SCFD2: variants seen among roughly 807,000 people sequenced by gnomAD.
SCFD2 encodes the protein sec1 family domain containing 2.
In SCFD2, 54 loss-of-function variants were observed where a neutral mutation model predicts 58.9. The ratio of observed to expected loss-of-function variants is 0.92; its 90% CI spans 0.74 to 1.15. The LOEUF is 1.15. Ranked by LOEUF, SCFD2 falls within the 50% of genes most tolerant of loss-of-function variation. The pLI is 0.00. For synonymous variants in SCFD2, 321 were observed against 335.9 expected (o/e 0.96, Z 0.49); for missense variants, 805 against 836.6 (o/e 0.96, Z 0.47).
chr4:52,897,703 T>G (rs530509188), intron 7 of SCFD2, among the ~76,000 whole-genome samples: 16 of 152,170 alleles, frequency 1.1e-4, no homozygotes, highest in Admixed American at 3.3e-4. Context: ...TCTTTTTCTA[T>G]TGACTGGAAT....
intron 5 of SCFD2, among the ~76,000 whole-genome samples, chr4:53,041,161 C>T (rs1056173277): frequency 1.3e-5 from 2 of 152,100 alleles, no homozygotes; most frequent in African/African-American, 2.4e-5. Context: ...CAATAATATG[C>T]TAATTAAAAG....
At chr4:52,896,536 C>T (rs1314128867) in intron 7 of SCFD2, among the ~76,000 whole-genome samples, 1 of 152,156 alleles carries the variant, frequency 6.6e-6, no homozygotes, top group African/African-American at 2.4e-5. Context: ...GTTTTGGTAC[C>T]AGTACCACGC....
At chr4:52,937,981 C>T (rs985013788) in intron 5 of SCFD2, among the ~76,000 whole-genome samples, 1 of 152,144 alleles carries the variant, frequency 6.6e-6, no homozygotes, top group Admixed American at 6.5e-5. Context: ...TACATTGATT[C>T]ATACATTGAC....
intron 7 of SCFD2, among the ~76,000 whole-genome samples, chr4:52,888,644 A>G (rs1367413133): frequency 6.6e-6 from 1 of 152,162 alleles, no homozygotes; most frequent in East Asian, 1.9e-4. Context: ...AGGTACCATG[A>G]CAGTACTTTC....
chr4:53,337,183 T>C (rs1733711560), intron 2 of SCFD2, among the ~76,000 whole-genome samples: 1 of 152,202 alleles, frequency 6.6e-6, no homozygotes, highest in African/African-American at 2.4e-5. Context: ...CCCCTTTCTT[T>C]GGCTTGCAGA....
At chr4:53,096,325 G>A (rs1724632728) in intron 5 of SCFD2, among the ~76,000 whole-genome samples, 1 of 152,168 alleles carries the variant, frequency 6.6e-6, no homozygotes, top group Non-Finnish European at 1.5e-5. Context: ...CTAGTTTACA[G>A]TCCCACCAAC....
intron 4 of SCFD2, among the ~76,000 whole-genome samples, chr4:53,258,577 T>TATATATATATATATATATAC (rs757658747): frequency 6.8e-4 from 82 of 121,194 alleles, no homozygotes; most frequent in Non-Finnish European, 1.1e-3. Context: ...TATATATATA[T>TATATATATATATATATATAC]ACACACACAT....
chr4:53,238,336 C>T lies in SCFD2; in HGVS notation c.1311+35490G>A, dbSNP rs535486374. On this transcript the variant is annotated intron_variant, in intron 4 of 8. Transcript: ENST00000401642. Reference sequence around the variant, plus strand: ...CCCCCCACCTCCCTCCTGGACGGGGCGGCTGGCCGGGCGGGGGCTGATGCC... The same window carrying T: ...CCCCCCACCTCCCTCCTGGACGGGGTGGCTGGCCGGGCGGGGGCTGATGCC... Among the ~76,000 whole-genome samples, 65 of 6,796 alleles carry T rather than the reference C, an allele frequency of 9.6e-3. 1 individual carries two copies. Among genetic ancestry groups the T allele is most frequent in the African/African-American group, 0.038 (55 of 1,464 alleles). 4.5% of individuals were successfully genotyped at this position (6,796 alleles called of 152,430 possible).
At chr4:53,254,895 T>C (rs187859005) in intron 4 of SCFD2, among the ~76,000 whole-genome samples, 89 of 149,482 alleles carry the variant, frequency 6.0e-4, no homozygotes, top group Middle Eastern at 6.9e-3. Context: ...TTTTTTGAGA[T>C]GGAGTCTCGC....
intron 7 of SCFD2, among the ~76,000 whole-genome samples, chr4:52,897,823 C>G (rs1221872743): frequency 6.6e-6 from 1 of 152,202 alleles, no homozygotes. Flanking sequence ...ATTATTGCCT[C>G]AATTTCACAG....
At chr4:53,286,126 C>T (rs550663297) in intron 3 of SCFD2, among the ~76,000 whole-genome samples, 2 of 152,150 alleles carry the variant, frequency 1.3e-5, no homozygotes, top group African/African-American at 2.4e-5. Flanking sequence ...ACCACTGAAG[C>T]TTGCACCCCA....
intron 4 of SCFD2, among the ~76,000 whole-genome samples, chr4:53,204,635 A>G (rs1728353092): frequency 6.7e-6 from 1 of 150,144 alleles, no homozygotes. Flanking sequence ...GAGAAAATGG[A>G]AAAAGGGAAT....
intron 4 of SCFD2, among the ~76,000 whole-genome samples, chr4:53,249,843 A>C (rs1000198161): frequency 6.6e-5 from 10 of 152,254 alleles, no homozygotes; most frequent in Non-Finnish European, 1.5e-4. Flanking sequence ...CCACTGAAAA[A>C]TCATGACAAA....
At chr4:53,354,283 G>C (rs574593786) in intron 1 of SCFD2, among the ~76,000 whole-genome samples, 8 of 152,356 alleles carry the variant, frequency 5.3e-5, no homozygotes, top group African/African-American at 1.9e-4. Context: ...GGGTGGGCTG[G>C]GAGTGCTGGG....
chr4:53,013,389 T>C (rs1722140984), intron 5 of SCFD2, among the ~76,000 whole-genome samples: 1 of 152,370 alleles, frequency 6.6e-6, no homozygotes, highest in South Asian at 2.1e-4. Context: ...CCTTTCACTA[T>C]AAATGTCACC....
At chr4:52,921,350 TCA>T (rs1174316767) in intron 5 of SCFD2, among the ~76,000 whole-genome samples, 5 of 152,174 alleles carry the variant, frequency 3.3e-5, no homozygotes, top group Admixed American at 6.5e-5. Context: ...GTGGCACATT[TCA>T]GAGGGCTGCC....
intron 3 of SCFD2, among the ~76,000 whole-genome samples, chr4:53,309,430 C>T (rs1732619366): frequency 6.6e-6 from 1 of 152,136 alleles, no homozygotes; most frequent in Non-Finnish European, 1.5e-5. Flanking sequence ...TGTAGTGGAT[C>T]AGATTATCAT....
chr4:53,342,627 C>G (rs1252371606), intron 2 of SCFD2, among the ~76,000 whole-genome samples: 1 of 152,208 alleles, frequency 6.6e-6, no homozygotes, highest in Non-Finnish European at 1.5e-5. Context: ...ATCTACAGAA[C>G]TCTCTAACTG....
intron 7 of SCFD2, among the ~76,000 whole-genome samples, chr4:52,886,506 T>A (rs1718745198): frequency 6.6e-6 from 1 of 152,244 alleles, no homozygotes; most frequent in African/African-American, 2.4e-5. Context: ...GGGGCATGCC[T>A]GCCTAGCCAC....
Sources: gnomAD v4.1 joint callset for allele counts (sites outside exome capture counted in the v4.1 genomes callset) on GRCh38, gnomAD v4.1.1 for gene constraint, MANE v1.5 for transcripts, NCBI Gene and HGNC (gene_info 2026-07-23, HGNC 2026-07-21) for gene names.